Variants in MTNR1B observed in about 807,000 individuals in gnomAD.
The protein encoded by MTNR1B is melatonin receptor 1B, also known as melatonin receptor type 1B.
Under a neutral mutation model 7.0 loss-of-function variants are expected in MTNR1B, and 7 were observed. That is an observed-to-expected ratio of 1.00 (90% CI 0.57 to 1.88). MTNR1B has a LOEUF of 1.88. MTNR1B is among the 40% of genes most tolerant of loss of function. The pLI is 0.00. For synonymous variants in MTNR1B, 226 were observed against 208.2 expected, an observed-to-expected ratio of 1.09 and a Z score of -0.74; for missense variants, 478 against 486.5, an observed-to-expected ratio of 0.98 and a Z score of 0.16.
chr11:92,971,095 G>C (rs1406676090), intron 1 of MTNR1B, among the ~76,000 whole-genome samples: 2 of 152,072 alleles, frequency 1.3e-5, no homozygotes, highest in African/African-American at 4.8e-5. Flanking sequence ...GAGTAGCTGG[G>C]ATTACAGGCG....
intron 1 of MTNR1B, among the ~76,000 whole-genome samples, chr11:92,973,403 A>G (rs970518292): frequency 2.0e-5 from 3 of 151,916 alleles, no homozygotes; most frequent in African/African-American, 7.3e-5. Context: ...GCTGCCCTCC[A>G]TCTCCAGAAC....
intron 1 of MTNR1B, among the ~76,000 whole-genome samples, chr11:92,975,547 A>C (rs1474395048): frequency 6.6e-6 from 1 of 152,158 alleles, no homozygotes; most frequent in East Asian, 1.9e-4. Context: ...ACCATCTCCT[A>C]TCCAGAACCA....
chr11:92,979,421 C>G (rs1052109939), intron 1 of MTNR1B, among the ~76,000 whole-genome samples: 1 of 152,168 alleles, frequency 6.6e-6, no homozygotes, highest in Non-Finnish European at 1.5e-5. Context: ...CAAGCAGGTC[C>G]TTGTTGCACA....
At chr11:92,971,003 A>G (rs1857913686) in intron 1 of MTNR1B, among the ~76,000 whole-genome samples, 1 of 151,894 alleles carries the variant, frequency 6.6e-6, no homozygotes, top group Non-Finnish European at 1.5e-5. Context: ...TCTGTCACCC[A>G]GGCTGGAGTG....
chr11:92,969,692 G>A lies in MTNR1B; in HGVS notation c.-34G>A, dbSNP rs769380049. ...GCGCCCTGCGGCTGTCCGGGGCCGCGCGGTGGCCAAAGCACAGCGCGGGAG... is the reference window on the plus strand; with the variant it reads ...GCGCCCTGCGGCTGTCCGGGGCCGCACGGTGGCCAAAGCACAGCGCGGGAG... On this transcript the variant is annotated 5_prime_UTR_variant, in exon 1 of 2. Coordinates refer to ENST00000257068, the MANE Select transcript of MTNR1B (RefSeq NM_005959.5). 5.7e-6 allele frequency: 8 copies of A among 1,404,984 alleles called. No homozygotes were observed. Among genetic ancestry groups the A allele is most frequent in the Non-Finnish European group, 7.4e-6 (8 of 1,079,914 alleles). The allele number at this position is 1,404,984 out of a possible 1,614,324, so 87.0% of individuals were successfully genotyped here. A position where few individuals can be genotyped will look rare whatever the true frequency, so the allele number is the denominator to read the frequency against.
Position 92,982,555 on chromosome 11 carries a change from G to T in MTNR1B, c.*243G>T. On this transcript the variant is annotated 3_prime_UTR_variant, in exon 2 of 2. Transcript: ENST00000257068. The stretch of plus-strand genomic sequence containing the variant: ...CTCTTGGTGGTGTCTTGGGGATTTG[G>T]TGCACACAAGACCAAGGAAAGGACA... 1.8e-6 allele frequency: 1 copy of T among 544,654 alleles called. No homozygotes were observed. Among genetic ancestry groups the T allele is most frequent in the Non-Finnish European group, 3.2e-6 (1 of 307,706 alleles). 33.7% of individuals were successfully genotyped at this position (544,654 alleles called of 1,614,324 possible).
At chr11:92,983,490 G>A (rs540705443), downstream of MTNR1B, among the ~76,000 whole-genome samples, 1 of 150,330 alleles carries the variant, frequency 6.7e-6, no homozygotes, top group South Asian at 2.1e-4. Context: ...CCCAGACTGG[G>A]TGACAAAGTG....
intron 1 of MTNR1B, among the ~76,000 whole-genome samples, chr11:92,975,541 TCTC>T: frequency 6.6e-6 from 1 of 152,126 alleles, no homozygotes; most frequent in East Asian, 1.9e-4. Flanking sequence ...ATTCACACCA[TCTC>T]CTATCCAGAA....
At chr11:92,972,343 A>G (rs1027021106) in intron 1 of MTNR1B, 3 of 452,916 alleles carry the variant, frequency 6.6e-6, no homozygotes, top group South Asian at 1.6e-5. Context: ...AGACACCAGT[A>G]TCCTTTACTT....
At chr11:92,972,425 G>C (rs1450165859) in intron 1 of MTNR1B, 1 of 456,110 alleles carries the variant, frequency 2.2e-6, no homozygotes, top group African/African-American at 2.0e-5. Context: ...CTGATGGCAG[G>C]GTGAGTGGTT....
At chr11:92,983,164 GGACAGTGCCT>G (rs2136520901), downstream of MTNR1B, among the ~76,000 whole-genome samples, 1 of 152,218 alleles carries the variant, frequency 6.6e-6, no homozygotes, top group African/African-American at 2.4e-5. Flanking sequence ...GCAGAGCTGA[GGACAGTGCCT>G]GACATGTGGC....
chr11:92,981,873 CCTT>C lies in MTNR1B; in HGVS notation c.653_655del (p.Phe218del), dbSNP rs1365407850. Reference sequence around the variant, plus strand: ...TTCCTCCTCCCTATCGCTGTCGTGTCCTTCTGCTACCTGCGCATCTGGGTGCTG... The same window carrying C: ...TTCCTCCTCCCTATCGCTGTCGTGTCCTGCTACCTGCGCATCTGGGTGCTG... On this transcript the variant is annotated inframe_deletion, in exon 2 of 2. Coordinates refer to ENST00000257068, the MANE Select transcript of MTNR1B (RefSeq NM_005959.5). 4 of 1,614,190 alleles carry C rather than the reference CCTT, an allele frequency of 2.5e-6. No individual in the cohort carries two copies. The highest frequency in any genetic ancestry group is 2.5e-6 in the Non-Finnish European group (3 of 1,180,018).
At chr11:92,974,867 G>C (rs1420241474) in intron 1 of MTNR1B, among the ~76,000 whole-genome samples, 1 of 152,216 alleles carries the variant, frequency 6.6e-6, no homozygotes, top group Non-Finnish European at 1.5e-5. Flanking sequence ...CTCCCAAAGT[G>C]CTGGGATTAC....
chr11:92,971,923 C>T (rs1044626843), intron 1 of MTNR1B, among the ~76,000 whole-genome samples: 3 of 151,730 alleles, frequency 2.0e-5, no homozygotes, highest in African/African-American at 4.8e-5. Context: ...GCCCAGCACC[C>T]GAACAAAAAA....
In MTNR1B at chr11:92,969,837, T is replaced by G. The variant is rs1470589752; in HGVS notation, c.112T>G (p.Trp38Gly). The G allele has an allele frequency of 6.2e-7, 1 of 1,607,162 alleles. No individual in the cohort carries two copies. The highest frequency in any genetic ancestry group is 8.5e-7 in the Non-Finnish European group (1 of 1,177,916). Reference sequence around the variant, plus strand: ...GCCCTCCAGGACCCCTCGACCTCCCTGGGTGGCTCCAGCGCTGTCCGCGGT... The same window carrying G: ...GCCCTCCAGGACCCCTCGACCTCCCGGGGTGGCTCCAGCGCTGTCCGCGGT... ...ARPSRTPRPPWVAPALSAVLI... is the reference protein window; with the variant it reads ...ARPSRTPRPPGVAPALSAVLI... Residue 38 changes from tryptophan to glycine, a missense_variant, in exon 1 of 2, where the codon TGG becomes GGG. By Grantham distance (184) the Trp-to-Gly change is radical. Transcript: ENST00000257068.
At position 92,982,348 on chromosome 11, in the gene MTNR1B, C is replaced by T. The variant is rs759456426; in HGVS notation, c.*36C>T. The T allele has an allele frequency of 1.9e-6, 3 of 1,586,636 alleles. No individual in the cohort carries two copies. Among genetic ancestry groups the T allele is most frequent in the Non-Finnish European group, 2.6e-6 (3 of 1,168,430 alleles). The stretch of plus-strand genomic sequence containing the variant: ...AGGCACACCAGCAGCATGACAAACT[C>T]ATGAAATGGTGGGAGAGAGTCTGCT... On this transcript the variant is annotated 3_prime_UTR_variant, in exon 2 of 2. Coordinates refer to ENST00000257068, the MANE Select transcript of MTNR1B (RefSeq NM_005959.5).
intron 1 of MTNR1B, chr11:92,972,622 A>T (rs956394932): frequency 6.7e-6 from 3 of 449,060 alleles, no homozygotes; most frequent in African/African-American, 6.0e-5. Flanking sequence ...TCTTTGCTAC[A>T]TTCTCAGAGT....
downstream of MTNR1B, among the ~76,000 whole-genome samples, chr11:92,984,193 C>G (rs1244066742): frequency 6.6e-6 from 1 of 152,188 alleles, no homozygotes; most frequent in Admixed American, 6.5e-5. Flanking sequence ...GATCCTCTTT[C>G]TGGCCTTGCA....
rs569293531 is a variant in MTNR1B, at chr11:92,982,474, G to A, written c.*162G>A. ...ATGCTGGGACAAGCAGCCCATCAAC[G>A]CCATGGGTTCAGGCTGATCCAGGAG... On this transcript the variant is annotated 3_prime_UTR_variant, in exon 2 of 2. Coordinates refer to ENST00000257068, the MANE Select transcript of MTNR1B (RefSeq NM_005959.5). 9.5e-6 allele frequency: 8 copies of A among 837,778 alleles called. No individual in the cohort carries two copies. In the African/African-American group the frequency reaches 1.0e-4, roughly 11 times the overall value. 51.9% of individuals were successfully genotyped at this position (837,778 alleles called of 1,614,324 possible).
Sources: gnomAD v4.1 joint callset for allele counts (sites outside exome capture counted in the v4.1 genomes callset) on GRCh38, gnomAD v4.1.1 for gene constraint, MANE v1.5 for transcripts, NCBI Gene and HGNC (gene_info 2026-07-23, HGNC 2026-07-21) for gene names.